KCNH8: variants seen among roughly 807,000 people sequenced by gnomAD.
KCNH8 encodes voltage-gated delayed rectifier potassium channel KCNH8.
A neutral mutation model predicts 103.6 loss-of-function variants in KCNH8; 70 were observed. The observed-to-expected ratio is 0.68, with a 90% CI of 0.56 to 0.82. The LOEUF is 0.82. Among genes scored for constraint, KCNH8 ranks in the 40% least tolerant of loss-of-function variants. The pLI is 0.00. For synonymous variants in KCNH8, 498 were observed against 489.4 expected (o/e 1.02, Z -0.23); for missense variants, 1,217 against 1,329.9 (o/e 0.92, Z 1.32).
intron 8 of KCNH8, among the ~76,000 whole-genome samples, chr3:19,443,926 G>C (rs2067322122): frequency 6.6e-6 from 1 of 151,990 alleles, no homozygotes; most frequent in African/African-American, 2.4e-5. Flanking sequence ...TGCTAACAAT[G>C]GACTCACGTT....
intron 11 of KCNH8, among the ~76,000 whole-genome samples, chr3:19,476,422 G>C (rs1424484015): frequency 2.0e-5 from 3 of 152,098 alleles, no homozygotes; most frequent in Admixed American, 6.6e-5. Flanking sequence ...AACCGACCTG[G>C]TTTGAAACCT....
chr3:19,259,501 T>G (rs925594122), intron 2 of KCNH8, among the ~76,000 whole-genome samples: 4 of 151,842 alleles, frequency 2.6e-5, no homozygotes, highest in Non-Finnish European at 5.9e-5. Flanking sequence ...ATGAGGAAAC[T>G]GTGATGTAGA....
intron 11 of KCNH8, among the ~76,000 whole-genome samples, chr3:19,465,981 C>G (rs910132605): frequency 6.6e-6 from 1 of 152,106 alleles, no homozygotes; most frequent in Non-Finnish European, 1.5e-5. Context: ...GTTGCACAGG[C>G]TGGAGTGCGG....
At position 19,227,380 on chromosome 3, in the gene KCNH8, C is replaced by T. The variant is rs2063943997; in HGVS notation, c.77-26274C>T. Among the ~76,000 whole-genome samples, 7 of 152,220 alleles carry T rather than the reference C, an allele frequency of 4.6e-5. No individual in the cohort carries two copies. In the South Asian group the frequency reaches 1.4e-3, roughly 32 times the overall value. ...ATTGGGAGTAAGATAGTATACATGACACTTTTCTCTATTGAGAACTTTTAT... is the reference window on the plus strand; with the variant it reads ...ATTGGGAGTAAGATAGTATACATGATACTTTTCTCTATTGAGAACTTTTAT... On this transcript the variant is annotated intron_variant, in intron 1 of 15. Transcript: ENST00000328405.
At chr3:19,416,522 C>T (rs1400495372) in intron 7 of KCNH8, among the ~76,000 whole-genome samples, 2 of 152,108 alleles carry the variant, frequency 1.3e-5, no homozygotes, top group Admixed American at 6.5e-5. Context: ...TCATTGTGTT[C>T]TAAGTTTCTG....
intron 11 of KCNH8, among the ~76,000 whole-genome samples, chr3:19,499,331 C>G (rs1373836409): frequency 5.9e-5 from 9 of 152,064 alleles, no homozygotes; most frequent in Admixed American, 3.9e-4. Context: ...ACCTGAAAGT[C>G]ACAAGGAGAA....
intron 1 of KCNH8, among the ~76,000 whole-genome samples, chr3:19,193,717 A>G (rs2063574479): frequency 6.6e-6 from 1 of 151,764 alleles, no homozygotes; most frequent in South Asian, 2.1e-4. Flanking sequence ...ACTGAGTATT[A>G]AATTGGAGAT....
At chr3:19,470,152 A>G (rs1455924349) in intron 11 of KCNH8, among the ~76,000 whole-genome samples, 1 of 152,200 alleles carries the variant, frequency 6.6e-6, no homozygotes, top group Non-Finnish European at 1.5e-5. Context: ...TTTGGAGGTA[A>G]TTCAGAATGA....
intron 11 of KCNH8, among the ~76,000 whole-genome samples, chr3:19,485,687 G>A (rs1184920814): frequency 6.6e-6 from 1 of 152,128 alleles, no homozygotes; most frequent in Non-Finnish European, 1.5e-5. Context: ...GGTGTTTGAG[G>A]GAGTAATGGG....
intron 3 of KCNH8, among the ~76,000 whole-genome samples, chr3:19,321,300 CT>C (rs1000659564): frequency 2.0e-5 from 3 of 151,910 alleles, no homozygotes; most frequent in Non-Finnish European, 4.4e-5. Context: ...CTCTTTCAGA[CT>C]TTTTGATGTG....
At chr3:19,389,677 G>T (rs1163969868) in intron 5 of KCNH8, among the ~76,000 whole-genome samples, 1 of 152,072 alleles carries the variant, frequency 6.6e-6, no homozygotes, top group Non-Finnish European at 1.5e-5. Flanking sequence ...TGCCCAGGCT[G>T]GAGTGCATGG....
chr3:19,191,465 T>A (rs983254802), intron 1 of KCNH8, among the ~76,000 whole-genome samples: 1 of 151,896 alleles, frequency 6.6e-6, no homozygotes, highest in African/African-American at 2.4e-5. Flanking sequence ...ATAGTTCTTA[T>A]CAGTTTAAGA....
intron 5 of KCNH8, among the ~76,000 whole-genome samples, chr3:19,373,705 T>C (rs1191598609): frequency 5.3e-5 from 8 of 151,762 alleles, no homozygotes; most frequent in African/African-American, 1.9e-4. Context: ...GATGTTAGGG[T>C]GTCAATTTTG....
rs146261213 is a variant in KCNH8, at chr3:19,365,728, G to A, written c.811+17763G>A. 9.1e-3 allele frequency among the ~76,000 whole-genome samples: 1,386 copies of A among 152,104 alleles called. 81 individuals are homozygous for A. The highest frequency in any genetic ancestry group is 0.086 in the Admixed American group (1,308 of 15,226). ...TTTACATCCTGATAGGAGACAAACA[G>A]TAAACAAAACAATTAATTTAAATGG... On this transcript the variant is annotated intron_variant, in intron 5 of 15. Transcript: ENST00000328405.
chr3:19,524,156 G>T (rs2069021426), intron 15 of KCNH8, among the ~76,000 whole-genome samples: 1 of 151,804 alleles, frequency 6.6e-6, no homozygotes, highest in Non-Finnish European at 1.5e-5. Flanking sequence ...AATTAGTGTT[G>T]CCATTATATC....
chr3:19,169,448 G>C (rs1290093630), intron 1 of KCNH8, among the ~76,000 whole-genome samples: 3 of 151,862 alleles, frequency 2.0e-5, no homozygotes, highest in Non-Finnish European at 2.9e-5. Flanking sequence ...GGTTTTCACC[G>C]TTTTAGCCAG....
At chr3:19,286,274 G>A (rs561755130) in intron 3 of KCNH8, among the ~76,000 whole-genome samples, 2 of 152,132 alleles carry the variant, frequency 1.3e-5, no homozygotes, top group Non-Finnish European at 1.5e-5. Context: ...AGAATGTAAC[G>A]GTATTTGAGG....
chr3:19,479,736 G>A (rs1166821815), intron 11 of KCNH8, among the ~76,000 whole-genome samples: 2 of 152,166 alleles, frequency 1.3e-5, no homozygotes, highest in South Asian at 2.1e-4. Flanking sequence ...TGATTTTGCA[G>A]GAGTAGACAT....
intron 3 of KCNH8, among the ~76,000 whole-genome samples, chr3:19,289,703 G>A (rs1468679100): frequency 2.0e-5 from 3 of 152,014 alleles, no homozygotes; most frequent in African/African-American, 7.2e-5. Flanking sequence ...CAAATCTTTT[G>A]GCTTAGGATT....
Sources: gnomAD v4.1 joint callset for allele counts (sites outside exome capture counted in the v4.1 genomes callset) on GRCh38, gnomAD v4.1.1 for gene constraint, MANE v1.5 for transcripts, NCBI Gene and HGNC (gene_info 2026-07-23, HGNC 2026-07-21) for gene names.